The following TNRC6B variants were observed in gnomAD, a reference collection of about 807,000 sequenced individuals.
TNRC6B encodes the protein trinucleotide repeat-containing gene 6B protein.
A neutral mutation model predicts 203.6 loss-of-function variants in TNRC6B; 52 were observed. The ratio of observed to expected loss-of-function variants is 0.26; its 90% CI spans 0.20 to 0.32. TNRC6B has a LOEUF of 0.32. TNRC6B is among the 10% of genes least tolerant of loss of function. The pLI, the probability that TNRC6B is intolerant of heterozygous loss-of-function variation, is 1.00. For synonymous variants in TNRC6B, 838 were observed against 845.7 expected (o/e 0.99, Z 0.16); for missense variants, 1,923 against 2,286.2 (o/e 0.84, Z 3.24).
At chr22:40,087,989 G>C (rs943250333) in intron 1 of TNRC6B, among the ~76,000 whole-genome samples, 1 of 152,122 alleles carries the variant, frequency 6.6e-6, no homozygotes, top group Non-Finnish European at 1.5e-5. Context: ...CCTATTTCTC[G>C]AGGGTCCTTT....
chr22:40,083,044 A>G (rs892593667), intron 1 of TNRC6B, among the ~76,000 whole-genome samples: 1 of 152,242 alleles, frequency 6.6e-6, no homozygotes, highest in African/African-American at 2.4e-5. Flanking sequence ...TTATAAAGAC[A>G]ATAATAAAAG....
intron 12 of TNRC6B, among the ~76,000 whole-genome samples, chr22:40,293,129 A>T (rs1038245882): frequency 1.3e-5 from 2 of 151,566 alleles, no homozygotes; most frequent in African/African-American, 4.8e-5. Flanking sequence ...TACTGTTCAT[A>T]GACATTTGGA....
intron 3 of TNRC6B, among the ~76,000 whole-genome samples, chr22:40,257,145 C>T (rs895291318): frequency 6.6e-6 from 1 of 152,192 alleles, no homozygotes; most frequent in African/African-American, 2.4e-5. Context: ...ACTTTAAAAA[C>T]ATTTCTAGGT....
chr22:40,143,976 A>G (rs2068668668), intron 3 of TNRC6B, among the ~76,000 whole-genome samples: 1 of 152,250 alleles, frequency 6.6e-6, no homozygotes. Flanking sequence ...CAGATGTTCA[A>G]CATTATTCAT....
At chr22:40,305,559 C>T (rs551883415) in intron 15 of TNRC6B, among the ~76,000 whole-genome samples, 1 of 152,220 alleles carries the variant, frequency 6.6e-6, no homozygotes, top group African/African-American at 2.4e-5. Context: ...CAGACACATT[C>T]CATATCCTAG....
At chr22:40,171,659 G>A (rs922845911) in intron 4 of TNRC6B, among the ~76,000 whole-genome samples, 1 of 152,038 alleles carries the variant, frequency 6.6e-6, no homozygotes, top group Non-Finnish European at 1.5e-5. Context: ...GGATAAAATG[G>A]CGCTGTTTTC....
intron 2 of TNRC6B, among the ~76,000 whole-genome samples, chr22:40,246,538 G>C (rs947838315): frequency 3.3e-5 from 5 of 152,058 alleles, no homozygotes; most frequent in African/African-American, 4.8e-5. Context: ...TTACTTAAAA[G>C]TTTTTATATT....
chr22:40,148,484 A>G (rs765029031), intron 3 of TNRC6B, among the ~76,000 whole-genome samples: 42 of 151,980 alleles, frequency 2.8e-4, no homozygotes, highest in Admixed American at 5.9e-4. Context: ...GAGTTTCACC[A>G]TGTTGGCCAG....
chr22:40,046,636 A>C (rs2067690217), intron 1 of TNRC6B, among the ~76,000 whole-genome samples: 1 of 142,818 alleles, frequency 7.0e-6, no homozygotes, highest in Non-Finnish European at 1.5e-5. Context: ...TTTTTGAGAC[A>C]GAGTCTCAAT....
intron 15 of TNRC6B, among the ~76,000 whole-genome samples, chr22:40,302,591 C>G (rs985990016): frequency 1.3e-4 from 19 of 151,584 alleles, no homozygotes; most frequent in Non-Finnish European, 2.2e-4. Context: ...TGAGATTGTG[C>G]CCCTGCACTC....
At chr22:40,201,706 T>C (rs1003365284) in intron 1 of TNRC6B, among the ~76,000 whole-genome samples, 1 of 152,064 alleles carries the variant, frequency 6.6e-6, no homozygotes, top group African/African-American at 2.4e-5. Context: ...ATTAGAGTTG[T>C]GAGCCACCAC....
chr22:40,294,690 A>G (rs959555354), intron 12 of TNRC6B, among the ~76,000 whole-genome samples: 8 of 152,254 alleles, frequency 5.3e-5, no homozygotes, highest in African/African-American at 1.9e-4. Context: ...ACATGGTTTC[A>G]ATAGCACAGA....
At chr22:40,181,607 C>CT (rs1169966498) in intron 1 of TNRC6B, among the ~76,000 whole-genome samples, 1 of 152,154 alleles carries the variant, frequency 6.6e-6, no homozygotes. Context: ...ACAGAAGTAT[C>CT]TGAGTATCTG....
At chr22:40,288,108 CTG>C (rs1244546532) in intron 12 of TNRC6B, among the ~76,000 whole-genome samples, 1 of 152,258 alleles carries the variant, frequency 6.6e-6, no homozygotes, top group Admixed American at 6.5e-5. Context: ...TGCACACACA[CTG>C]TCTTAGAATA....
In TNRC6B at chr22:40,154,567, G is replaced by A. The variant is rs929119103; in HGVS notation, c.46-1548G>A. ...AAAAATACATATTTTCTGGCTGGGCGTGGTGGCTCACGCCTGTAATCCTAG... is the reference window on the plus strand; with the variant it reads ...AAAAATACATATTTTCTGGCTGGGCATGGTGGCTCACGCCTGTAATCCTAG... On this transcript the variant is annotated intron_variant, in intron 3 of 23. Coordinates refer to the TNRC6B transcript ENST00000301923. Among the ~76,000 whole-genome samples, 5 of 151,416 alleles carry A rather than the reference G, an allele frequency of 3.3e-5. No homozygotes were observed. The East Asian group carries it at 7.8e-4, about 24-fold the overall frequency.
At chr22:40,237,113 T>C (rs2069958547) in intron 1 of TNRC6B, among the ~76,000 whole-genome samples, 1 of 152,158 alleles carries the variant, frequency 6.6e-6, no homozygotes, top group African/African-American at 2.4e-5. Context: ...TGCAGTGAGC[T>C]GAGATTGTGC....
intron 1 of TNRC6B, among the ~76,000 whole-genome samples, chr22:40,228,375 AGCC>A (rs2069820965): frequency 6.6e-6 from 1 of 151,370 alleles, no homozygotes; most frequent in Non-Finnish European, 1.5e-5. Flanking sequence ...GGTTGCAGTG[AGCC>A]GAGATTGTGC....
At chr22:40,274,162 T>C (rs991976130) in intron 7 of TNRC6B, among the ~76,000 whole-genome samples, 10 of 152,188 alleles carry the variant, frequency 6.6e-5, no homozygotes, top group Admixed American at 5.9e-4. Context: ...AGTTTCCACA[T>C]TATAATAATC....
intron 1 of TNRC6B, among the ~76,000 whole-genome samples, chr22:40,101,638 G>A (rs1366884664): frequency 1.3e-5 from 2 of 152,156 alleles, no homozygotes; most frequent in Admixed American, 6.6e-5. Context: ...AAGGAATGAA[G>A]CTGAAAGACA....
Sources: allele counts gnomAD v4.1 joint callset (sites outside exome capture counted in the v4.1 genomes callset), GRCh38; gene constraint gnomAD v4.1.1; transcripts MANE v1.5; gene names NCBI Gene and HGNC (gene_info 2026-07-23, HGNC 2026-07-21).